The following SRP9 variants were observed in gnomAD, a reference collection of about 807,000 sequenced individuals.
SRP9 encodes the protein signal recognition particle 9, also known as signal recognition particle 9 kDa protein.
Under a neutral mutation model 11.7 loss-of-function variants are expected in SRP9, and 2 were observed. The observed-to-expected ratio is 0.17, with a 90% confidence interval of 0.07 to 0.54. The LOEUF is 0.54. Among genes scored for constraint, SRP9 ranks in the 20% least tolerant of loss-of-function variants. The probability of loss-of-function intolerance (pLI) is 0.94; values close to 1 mark genes in which losing one functional copy is unlikely to be tolerated. For missense variants in SRP9, 54 were observed against 108.1 expected (o/e 0.50, Z 2.22); for synonymous variants, 27 against 35.6 (o/e 0.76, Z 0.86).
rs1665712431 is a variant in SRP9 at position 225,777,870 on chromosome 1, C to T, written c.-71C>T. 4 of 1,467,758 alleles carry T rather than the reference C, an allele frequency of 2.7e-6. No homozygotes were observed. The highest frequency in any genetic ancestry group is 1.4e-5 in the African/African-American group (1 of 71,730). 90.9% of individuals were successfully genotyped at this position (1,467,758 alleles called of 1,614,324 possible). ...TGGGACTCGCGTCGGTTGGCGACTC[C>T]CGGACGTAGGTAGTTTGTTGGGCCG... is the stretch of plus-strand genomic sequence containing the variant. On this transcript the variant is annotated 5_prime_UTR_variant, in exon 1 of 3. Transcript: ENST00000304786.
At chr1:225,787,510 G>A (rs536842259) in intron 2 of SRP9, among the ~76,000 whole-genome samples, 1 of 152,128 alleles carries the variant, frequency 6.6e-6, no homozygotes, top group South Asian at 2.1e-4. Context: ...CTCTAGCCTG[G>A]GTGACAGAAC....
chr1:225,783,013 A>G (rs1287939060), intron 1 of SRP9, among the ~76,000 whole-genome samples: 1 of 152,236 alleles, frequency 6.6e-6, no homozygotes, highest in Non-Finnish European at 1.5e-5. Context: ...TCTCACAGAC[A>G]TTCCCTGAAT....
At chr1:225,781,751 A>G (rs559375790) in intron 1 of SRP9, among the ~76,000 whole-genome samples, 1 of 152,254 alleles carries the variant, frequency 6.6e-6, no homozygotes, top group Admixed American at 6.5e-5. Flanking sequence ...GTGTTCCTTT[A>G]ACTGAGAGTT....
chr1:225,782,008 A>G (rs1349392967), intron 1 of SRP9, among the ~76,000 whole-genome samples: 1 of 152,048 alleles, frequency 6.6e-6, no homozygotes, highest in Non-Finnish European at 1.5e-5. Context: ...GAATGCAAAG[A>G]CCGTAATGGG....
intron 1 of SRP9, among the ~76,000 whole-genome samples, chr1:225,779,682 A>C (rs560695301): frequency 1.2e-4 from 18 of 152,366 alleles, no homozygotes; most frequent in Admixed American, 8.5e-4. Flanking sequence ...TTTTTACAAT[A>C]AAATGATACA....
At chr1:225,782,880 T>A (rs1665827096) in intron 1 of SRP9, among the ~76,000 whole-genome samples, 1 of 152,220 alleles carries the variant, frequency 6.6e-6, no homozygotes, top group African/African-American at 2.4e-5. Context: ...TGTTTGCTAA[T>A]GAATGGATTT....
At chr1:225,780,020 A>G (rs1665761945) in intron 1 of SRP9, among the ~76,000 whole-genome samples, 2 of 152,112 alleles carry the variant, frequency 1.3e-5, no homozygotes, top group Admixed American at 1.3e-4. Flanking sequence ...GAAAGAGAAT[A>G]TTTCACCTCT....
At position 225,789,432 on chromosome 1, in the gene SRP9, A is replaced by G. The variant is rs1175257553; in HGVS notation, c.*73A>G. The G allele has an allele frequency of 1.4e-6, 2 of 1,455,304 alleles. No homozygotes were observed. Among genetic ancestry groups the G allele is most frequent in the African/African-American group, 1.4e-5 (1 of 70,198 alleles). The allele number at this position is 1,455,304 out of a possible 1,614,324, so 90.1% of individuals were successfully genotyped here. ...TTTGAATTAGAGAAAGTGTTGGGACAGAAAGTACTTTATGTAACTAAGTGG... is the reference window on the plus strand; with the variant it reads ...TTTGAATTAGAGAAAGTGTTGGGACGGAAAGTACTTTATGTAACTAAGTGG... On this transcript the variant is annotated 3_prime_UTR_variant, in exon 3 of 3. Transcript: ENST00000304786.
At chr1:225,781,855 A>G (rs889284414) in intron 1 of SRP9, among the ~76,000 whole-genome samples, 1 of 152,202 alleles carries the variant, frequency 6.6e-6, no homozygotes, top group African/African-American at 2.4e-5. Flanking sequence ...AATTTACTAG[A>G]TAAATAAATA....
intron 2 of SRP9, among the ~76,000 whole-genome samples, chr1:225,787,566 C>T (rs569809060): frequency 3.9e-5 from 6 of 152,102 alleles, no homozygotes; most frequent in African/African-American, 9.6e-5. Context: ...AAATGCAGAA[C>T]GAATTTTAAT....
intron 2 of SRP9, 110 bp downstream of exon 2, chr1:225,783,478 T>C (rs1665838191): frequency 5.9e-6 from 5 of 844,482 alleles, no homozygotes; most frequent in Non-Finnish European, 9.3e-6. Context: ...GATGCTTATT[T>C]TGCATTTCAT....
At chr1:225,781,315 C>T (rs1290069526) in intron 1 of SRP9, among the ~76,000 whole-genome samples, 1 of 150,956 alleles carries the variant, frequency 6.6e-6, no homozygotes, top group African/African-American at 2.4e-5. Flanking sequence ...TTTATGGCAT[C>T]TGACATGGTG....
chr1:225,778,780 A>G (rs1665736680), intron 1 of SRP9, among the ~76,000 whole-genome samples: 1 of 152,228 alleles, frequency 6.6e-6, no homozygotes, highest in Non-Finnish European at 1.5e-5. Context: ...GAATTATTTG[A>G]AGCATCTTCG....
In SRP9 at chr1:225,790,182, C is replaced by A. The variant is rs1665999861; in HGVS notation, c.*823C>A. ...CAAATCCTTGCATACTTCTGTGACACCCCTGCCCATTTTCTGTCTTTAATT... is the reference window on the plus strand; with the variant it reads ...CAAATCCTTGCATACTTCTGTGACAACCCTGCCCATTTTCTGTCTTTAATT... On this transcript the variant is annotated 3_prime_UTR_variant, in exon 3 of 3. Coordinates refer to ENST00000304786, the MANE Select transcript of SRP9 (RefSeq NM_003133.6). The A allele has an allele frequency of 6.6e-6, 1 of 152,188 alleles. No homozygotes were observed. Among genetic ancestry groups the A allele is most frequent in the Non-Finnish European group, 1.5e-5 (1 of 68,038 alleles). The allele number at this position is 152,188 out of a possible 1,614,324, so 9.4% of individuals were successfully genotyped here. A position where few individuals can be genotyped will look rare whatever the true frequency, so the allele number is the denominator to read the frequency against.
chr1:225,780,973 G>GAT (rs1665782614), intron 1 of SRP9, among the ~76,000 whole-genome samples: 1 of 152,160 alleles, frequency 6.6e-6, no homozygotes, highest in Non-Finnish European at 1.5e-5. Context: ...TTGATAACTG[G>GAT]ATATAGTCCC....
intron 1 of SRP9, 147 bp downstream of exon 1, chr1:225,778,159 C>A: frequency 1.1e-6 from 1 of 916,432 alleles, no homozygotes. Flanking sequence ...TCTGCTCTCT[C>A]GTCCCCTTCT....
At chr1:225,781,234 C>T (rs1473817497) in intron 1 of SRP9, among the ~76,000 whole-genome samples, 1 of 151,598 alleles carries the variant, frequency 6.6e-6, no homozygotes, top group African/African-American at 2.4e-5. Context: ...CTGTATATCC[C>T]TTTATAGGAC....
chr1:225,786,055 G>A (rs1665903614), intron 2 of SRP9, among the ~76,000 whole-genome samples: 1 of 152,194 alleles, frequency 6.6e-6, no homozygotes, highest in Non-Finnish European at 1.5e-5. Flanking sequence ...CTCCACCCTT[G>A]CATCCTCTCT....
Position 225,778,755 on chromosome 1 carries a change from T to C in SRP9, c.72+743T>C, listed in dbSNP as rs533363345. Among the ~76,000 whole-genome samples, 15 of 152,354 alleles carry C rather than the reference T, an allele frequency of 9.8e-5. No homozygotes were observed. The South Asian group carries it at 3.1e-3, about 32-fold the overall frequency. ...TCGTCTCTTGAGGTTTTGGTTATTT[T>C]ATTGTCATGTCTAAGAATTATTTGA... On this transcript the variant is annotated intron_variant, in intron 1 of 2. Transcript: ENST00000304786.
Sources: gnomAD v4.1 joint callset for allele counts (sites outside exome capture counted in the v4.1 genomes callset) on GRCh38, gnomAD v4.1.1 for gene constraint, MANE v1.5 for transcripts, NCBI Gene and HGNC (gene_info 2026-07-23, HGNC 2026-07-21) for gene names.